CCDC195: variants seen among roughly 807,000 people sequenced by gnomAD.
The protein encoded by CCDC195 is coiled-coil domain-containing protein 195.
intron 2 of CCDC195, among the ~76,000 whole-genome samples, chr2:224,709,489 T>G (rs1689281061): frequency 6.6e-6 from 1 of 152,196 alleles, no homozygotes; most frequent in South Asian, 2.1e-4. Flanking sequence ...CCTAAATAAT[T>G]TTTTAAAACA....
At chr2:224,708,254 AAATATTTTGGAAAATATTTACAG>A (rs1461554092) in intron 2 of CCDC195, among the ~76,000 whole-genome samples, 1 of 152,220 alleles carries the variant, frequency 6.6e-6, no homozygotes, top group Non-Finnish European at 1.5e-5. Context: ...ATATTTACAG[AAATATTTTGGAAAATATTTACAG>A]AATATTTTGG....
At chr2:224,708,091 G>A (rs984062839) in intron 2 of CCDC195, among the ~76,000 whole-genome samples, 7 of 150,648 alleles carry the variant, frequency 4.6e-5, no homozygotes, top group Non-Finnish European at 8.8e-5. Context: ...CTGGGCTCAA[G>A]GGATTTGCCC....
exon 2 of CCDC195, chr2:224,710,039 G>A (rs1022032458): frequency 1.5e-5 from 6 of 398,460 alleles, no homozygotes; most frequent in Admixed American, 4.4e-5. Flanking sequence ...AGAATCTGTG[G>A]CAAACACCTT....
In CCDC195 at chr2:224,714,685, C is replaced by T. The variant is rs923079309; in HGVS notation, c.235+1446G>A. On this transcript the variant is annotated intron_variant, in intron 1 of 2. Transcript: ENST00000638102. ...AGCAAATATTATAAATGTCCACATC[C>T]TTTTTTTTTTCCAGCAAGAGAATGT... is the stretch of plus-strand genomic sequence containing the variant. Among the ~76,000 whole-genome samples, 8 of 149,060 alleles carry T rather than the reference C, an allele frequency of 5.4e-5. No individual in the cohort carries two copies. The East Asian group carries it at 1.2e-3, about 22-fold the overall frequency.
intron 2 of CCDC195, among the ~76,000 whole-genome samples, chr2:224,709,035 C>T (rs910536070): frequency 6.6e-6 from 1 of 151,296 alleles, no homozygotes; most frequent in Non-Finnish European, 1.5e-5. Context: ...TTTCCTCTAA[C>T]AGACCCTGGC....
chr2:224,712,156 T>G (rs1402840240), intron 1 of CCDC195, among the ~76,000 whole-genome samples: 6 of 152,188 alleles, frequency 3.9e-5, no homozygotes, highest in Non-Finnish European at 8.8e-5. Flanking sequence ...TCACAAAGGG[T>G]CTGTGTCCTT....
intron 2 of CCDC195, among the ~76,000 whole-genome samples, chr2:224,706,805 C>A (rs548999588): frequency 6.6e-6 from 1 of 151,572 alleles, no homozygotes; most frequent in Non-Finnish European, 1.5e-5. Context: ...CCACCGCGAC[C>A]GACACCTGGC....
At chr2:224,709,869 GT>G (rs1319344708) in intron 2 of CCDC195, 103 bp downstream of exon 2, 1 of 397,458 alleles carries the variant, frequency 2.5e-6, no homozygotes, top group African/African-American at 2.1e-5. Flanking sequence ...ATGCTATTTG[GT>G]TTTGTTTCCT....
At chr2:224,705,212 G>A (rs535422637) in intron 2 of CCDC195, among the ~76,000 whole-genome samples, 1 of 152,190 alleles carries the variant, frequency 6.6e-6, no homozygotes, top group Admixed American at 6.5e-5. Flanking sequence ...CTTCTTTCTG[G>A]ATTTGGAAAA....
chr2:224,704,611 TTTTTTTTTTTTTTTTC>T (rs1180826943), intron 2 of CCDC195, among the ~76,000 whole-genome samples: 12 of 51,646 alleles, frequency 2.3e-4, no homozygotes, highest in African/African-American at 4.9e-4. Flanking sequence ...TTTTCTTTTC[TTTTTTTTTTTTTTTTC>T]TTTTTTTTTT....
intron 2 of CCDC195, among the ~76,000 whole-genome samples, chr2:224,709,365 C>T (rs1022514882): frequency 6.6e-6 from 1 of 152,218 alleles, no homozygotes; most frequent in African/African-American, 2.4e-5. Context: ...GCTTTCTTGA[C>T]TGTTGTCTCA....
intron 1 of CCDC195, among the ~76,000 whole-genome samples, chr2:224,711,682 T>C (rs1477253953): frequency 6.6e-6 from 1 of 152,164 alleles, no homozygotes; most frequent in Non-Finnish European, 1.5e-5. Flanking sequence ...CACTGCATTA[T>C]GGGTAGGCTT....
At chr2:224,710,156 T>C (rs2124851236) in exon 2 of CCDC195, 1 of 398,604 alleles carries the variant, frequency 2.5e-6, no homozygotes, top group East Asian at 3.6e-5. Flanking sequence ...TTTCCAGGGA[T>C]CATTTACAGC....
chr2:224,707,738 C>G (rs1331084960), intron 2 of CCDC195, among the ~76,000 whole-genome samples: 1 of 152,186 alleles, frequency 6.6e-6, no homozygotes, highest in East Asian at 1.9e-4. Flanking sequence ...CAACATGCAG[C>G]ACACCCTCAG....
chr2:224,712,621 A>G (rs1380857446), intron 1 of CCDC195, among the ~76,000 whole-genome samples: 1 of 152,210 alleles, frequency 6.6e-6, no homozygotes, highest in African/African-American at 2.4e-5. Context: ...ACCAAGGAAC[A>G]CACGGAGGAA....
chr2:224,711,652 G>A (rs1303174256), intron 1 of CCDC195, among the ~76,000 whole-genome samples: 4 of 152,094 alleles, frequency 2.6e-5, no homozygotes, highest in African/African-American at 9.7e-5. Flanking sequence ...CCATGAACGA[G>A]CATGAAAGCG....
intron 1 of CCDC195, among the ~76,000 whole-genome samples, chr2:224,713,617 G>C (rs765422373): frequency 6.6e-5 from 10 of 152,104 alleles, no homozygotes; most frequent in Non-Finnish European, 1.0e-4. Context: ...TCATGCTCAG[G>C]ACAATGTTCT....
intron 1 of CCDC195, among the ~76,000 whole-genome samples, chr2:224,715,098 T>C (rs1203647165): frequency 2.0e-5 from 3 of 152,052 alleles, no homozygotes; most frequent in Non-Finnish European, 2.9e-5. Context: ...CTGACTAATT[T>C]TTGTATTTTT....
intron 1 of CCDC195, among the ~76,000 whole-genome samples, chr2:224,711,238 A>T (rs954264786): frequency 9.9e-5 from 15 of 152,192 alleles, no homozygotes; most frequent in African/African-American, 3.4e-4. Flanking sequence ...GGTGTGGGAA[A>T]TTGGAGAGCC....
Sources: allele counts gnomAD v4.1 joint callset (sites outside exome capture counted in the v4.1 genomes callset), GRCh38; gene constraint gnomAD v4.1.1; transcripts MANE v1.5; gene names NCBI Gene and HGNC (gene_info 2026-07-23, HGNC 2026-07-21).